The following CDH13 variants were observed in gnomAD, a reference collection of about 807,000 sequenced individuals.
CDH13 encodes cadherin 13.
A neutral mutation model predicts 63.8 loss-of-function variants in CDH13; 24 were observed. That is an observed-to-expected ratio of 0.38 (90% CI 0.27 to 0.53). The LOEUF is 0.53. Ranked by LOEUF, CDH13 falls within the 20% of genes least tolerant of loss-of-function variation. The probability of loss-of-function intolerance (pLI) is 0.85; values close to 1 mark genes in which losing one functional copy is unlikely to be tolerated. For missense variants in CDH13, 1,049 were observed against 903.1 expected (o/e 1.16, Z -2.07); for synonymous variants, 503 against 355.3 (o/e 1.42, Z -4.67).
chr16:83,369,180 C>T (rs1223926212), intron 6 of CDH13, among the ~76,000 whole-genome samples: 1 of 151,134 alleles, frequency 6.6e-6, no homozygotes, highest in African/African-American at 2.4e-5. Context: ...ACATTCCCAC[C>T]AAGAATGGTC....
At chr16:82,729,767 T>C (rs1231436178) in intron 1 of CDH13, among the ~76,000 whole-genome samples, 1 of 152,224 alleles carries the variant, frequency 6.6e-6, no homozygotes, top group Admixed American at 6.5e-5. Context: ...AATTCCTAGA[T>C]GGCATCTTCT....
At chr16:82,953,177 C>G (rs1905541137) in intron 2 of CDH13, 1 of 152,136 alleles carries the variant, frequency 6.6e-6, no homozygotes, top group South Asian at 2.1e-4. Context: ...TCCAACCTCT[C>G]TTAGATTTGT....
At chr16:83,589,087 C>T (rs920178249) in intron 7 of CDH13, among the ~76,000 whole-genome samples, 1 of 152,174 alleles carries the variant, frequency 6.6e-6, no homozygotes, top group Non-Finnish European at 1.5e-5. Flanking sequence ...GTCAGCAGGT[C>T]TGGATTATTT....
At chr16:83,149,061 G>C (rs1000356268) in intron 4 of CDH13, among the ~76,000 whole-genome samples, 2 of 152,074 alleles carry the variant, frequency 1.3e-5, no homozygotes, top group African/African-American at 4.8e-5. Flanking sequence ...GAATCATAGT[G>C]GAACATTTAA....
chr16:82,843,245 T>C (rs1207431099), intron 1 of CDH13, among the ~76,000 whole-genome samples: 1 of 152,238 alleles, frequency 6.6e-6, no homozygotes, highest in African/African-American at 2.4e-5. Context: ...TATATTGTCT[T>C]GGCACTGACA....
chr16:83,011,133 C>G (rs975800525), intron 2 of CDH13, among the ~76,000 whole-genome samples: 3 of 152,128 alleles, frequency 2.0e-5, no homozygotes, highest in African/African-American at 7.2e-5. Flanking sequence ...TATGAGACAG[C>G]AGGACAAAGT....
At chr16:83,569,830 G>A (rs957169704) in intron 7 of CDH13, among the ~76,000 whole-genome samples, 7 of 152,226 alleles carry the variant, frequency 4.6e-5, no homozygotes, top group East Asian at 1.9e-4. Flanking sequence ...TCTGCCTCCC[G>A]GGTTCAAGTG....
rs185874369 is a variant in CDH13 at position 82,902,518 on chromosome 16, C to G, written c.157+44045C>G. On this transcript the variant is annotated intron_variant, in intron 2 of 13. Coordinates refer to ENST00000567109, the MANE Select transcript of CDH13 (RefSeq NM_001257.5). Reference sequence around the variant, plus strand: ...CAGCTCAGCACACTCCTGATTAATTCTCATTTTCTTTCTTTCCTCGGGATT... The same window carrying G: ...CAGCTCAGCACACTCCTGATTAATTGTCATTTTCTTTCTTTCCTCGGGATT... Among the ~76,000 whole-genome samples the G allele has an allele frequency of 1.8e-3, 268 of 152,062 alleles. 1 individual carries two copies. The highest frequency in any genetic ancestry group is 6.1e-3 in the African/African-American group (251 of 41,450).
At chr16:83,256,179 G>A (rs756915144) in intron 5 of CDH13, among the ~76,000 whole-genome samples, 7 of 151,976 alleles carry the variant, frequency 4.6e-5, no homozygotes, top group South Asian at 2.1e-4. Context: ...GACTACAGGC[G>A]TGTGCCACCA....
At chr16:83,201,732 A>AT in intron 4 of CDH13, among the ~76,000 whole-genome samples, 1 of 150,522 alleles carries the variant, frequency 6.6e-6, no homozygotes, top group African/African-American at 2.5e-5. Context: ...CCCGTCTCTA[A>AT]TAAAAAAAAA....
chr16:82,884,458 G>T (rs566634180), intron 2 of CDH13: 4 of 286,556 alleles, frequency 1.4e-5, no homozygotes, highest in South Asian at 1.1e-4. Flanking sequence ...GCAACCCAGT[G>T]CCTGTAATTT....
intron 6 of CDH13, among the ~76,000 whole-genome samples, chr16:83,352,131 G>C (rs1369710021): frequency 6.6e-6 from 1 of 151,998 alleles, no homozygotes; most frequent in Non-Finnish European, 1.5e-5. Flanking sequence ...TGAGCTTGGA[G>C]GAGACAGCAC....
chr16:82,817,865 A>G (rs1337535700), intron 1 of CDH13, among the ~76,000 whole-genome samples: 1 of 152,218 alleles, frequency 6.6e-6, no homozygotes, highest in African/African-American at 2.4e-5. Context: ...ATGCATGAAT[A>G]TACCTATACA....
chr16:82,892,910 T>G (rs1597155046), intron 2 of CDH13, among the ~76,000 whole-genome samples: 1 of 152,170 alleles, frequency 6.6e-6, no homozygotes, highest in Non-Finnish European at 1.5e-5. Context: ...TTTAAAAGAG[T>G]AATCCCTAAA....
intron 5 of CDH13, among the ~76,000 whole-genome samples, chr16:83,324,986 G>A (rs1483903109): frequency 6.6e-6 from 1 of 152,090 alleles, no homozygotes; most frequent in Non-Finnish European, 1.5e-5. Flanking sequence ...GGTCCCCCTG[G>A]ATTTTGTGCA....
At chr16:83,487,745 G>A (rs939511231) in intron 7 of CDH13, among the ~76,000 whole-genome samples, 16 of 152,206 alleles carry the variant, frequency 1.1e-4, no homozygotes, top group Admixed American at 7.2e-4. Context: ...TCAGCTCCAC[G>A]TAACTGCTGG....
At chr16:82,949,155 G>T (rs1056097996) in intron 2 of CDH13, among the ~76,000 whole-genome samples, 5 of 152,176 alleles carry the variant, frequency 3.3e-5, no homozygotes, top group Non-Finnish European at 5.9e-5. Context: ...TTGTCTCATA[G>T]CTCTGGAAGC....
intron 1 of CDH13, among the ~76,000 whole-genome samples, chr16:82,698,565 A>G (rs183140083): frequency 7.8e-4 from 119 of 152,298 alleles, no homozygotes; most frequent in African/African-American, 2.7e-3. Context: ...ATATTGTAGC[A>G]GTGTAGCTTG....
intron 6 of CDH13, among the ~76,000 whole-genome samples, chr16:83,423,102 T>G (rs2071765516): frequency 6.6e-6 from 1 of 152,188 alleles, no homozygotes; most frequent in Admixed American, 6.5e-5. Flanking sequence ...TCACTGGAAA[T>G]GTGTTTCCCC....
Sources: allele counts gnomAD v4.1 joint callset (sites outside exome capture counted in the v4.1 genomes callset), GRCh38; gene constraint gnomAD v4.1.1; transcripts MANE v1.5; gene names NCBI Gene and HGNC (gene_info 2026-07-23, HGNC 2026-07-21).